RBFOX1: variants seen among roughly 807,000 people sequenced by gnomAD.
RBFOX1 encodes the protein RNA binding protein fox-1 homolog 1.
Under a neutral mutation model 57.7 loss-of-function variants are expected in RBFOX1, and 8 were observed. The ratio of observed to expected loss-of-function variants is 0.14; its 90% CI spans 0.08 to 0.25. The LOEUF is 0.25. Among genes scored for constraint, RBFOX1 ranks in the 10% least tolerant of loss-of-function variants. The pLI, the probability that RBFOX1 is intolerant of heterozygous loss-of-function variation, is 1.00. For missense variants in RBFOX1, 611 were observed against 548.5 expected (o/e 1.11, Z -1.14); for synonymous variants, 326 against 222.4 (o/e 1.47, Z -4.15).
At chr16:5,842,864 A>G (rs7191785) in intron 3 of RBFOX1, among the ~76,000 whole-genome samples, 91,371 of 151,870 alleles carry the variant, frequency 0.6, 28,610 homozygotes, top group African/African-American at 0.76. Context: ...TGTCGCCTGG[A>G]CTAGAGTGCA....
At chr16:7,071,035 C>T (rs919639023) in intron 4 of RBFOX1, among the ~76,000 whole-genome samples, 2 of 152,080 alleles carry the variant, frequency 1.3e-5, no homozygotes, top group African/African-American at 2.4e-5. Context: ...AAATGAACTT[C>T]AAAAAACAGC....
chr16:6,061,169 C>T (rs981316393), intron 1 of RBFOX1, among the ~76,000 whole-genome samples: 1 of 152,128 alleles, frequency 6.6e-6, no homozygotes, highest in Admixed American at 6.6e-5. Flanking sequence ...CTAACCCACC[C>T]GGCAGCAGAT....
intron 1 of RBFOX1, among the ~76,000 whole-genome samples, chr16:5,423,628 A>G (rs1213086874): frequency 6.6e-6 from 1 of 152,136 alleles, no homozygotes; most frequent in African/African-American, 2.4e-5. Context: ...GGGGCGGCCC[A>G]TCCTGCCTGT....
intron 3 of RBFOX1, among the ~76,000 whole-genome samples, chr16:6,821,701 G>C (rs1167644318): frequency 6.6e-6 from 1 of 152,180 alleles, no homozygotes; most frequent in African/African-American, 2.4e-5. Flanking sequence ...TCACATGATA[G>C]CCTGTATCAG....
At chr16:7,050,023 C>G (rs113779876) in intron 3 of RBFOX1, among the ~76,000 whole-genome samples, 2 of 152,246 alleles carry the variant, frequency 1.3e-5, no homozygotes, top group African/African-American at 2.4e-5. Context: ...TTCCATTAAC[C>G]CAGTCCTCTG....
chr16:5,622,366 A>G (rs913403907), intron 3 of RBFOX1, among the ~76,000 whole-genome samples: 8 of 152,230 alleles, frequency 5.3e-5, no homozygotes, highest in Non-Finnish European at 1.2e-4. Flanking sequence ...TTCCACCAGA[A>G]TGTAGGTTCC....
chr16:6,285,807 A>C (rs899921890), intron 1 of RBFOX1, among the ~76,000 whole-genome samples: 4 of 152,122 alleles, frequency 2.6e-5, no homozygotes, highest in African/African-American at 9.7e-5. Context: ...CTCTAGTTGC[A>C]GTGGAGACAT....
At chr16:6,592,446 T>A (rs1261032786) in intron 2 of RBFOX1, among the ~76,000 whole-genome samples, 1 of 152,224 alleles carries the variant, frequency 6.6e-6, no homozygotes, top group Non-Finnish European at 1.5e-5. Flanking sequence ...GGGTGCATTT[T>A]ACATGGCAAG....
At chr16:5,733,797 T>C (rs2052471153) in intron 3 of RBFOX1, among the ~76,000 whole-genome samples, 1 of 151,998 alleles carries the variant, frequency 6.6e-6, no homozygotes. Context: ...CCTTCCTTCC[T>C]TCTCACCTTT....
intron 4 of RBFOX1, among the ~76,000 whole-genome samples, chr16:7,093,531 A>G (rs1285346038): frequency 3.3e-5 from 5 of 152,156 alleles, no homozygotes; most frequent in African/African-American, 1.2e-4. Context: ...ACTTATCCAG[A>G]TACTCTTCAG....
intron 3 of RBFOX1, among the ~76,000 whole-genome samples, chr16:6,844,337 C>G (rs1603631469): frequency 6.6e-6 from 1 of 152,132 alleles, no homozygotes; most frequent in Non-Finnish European, 1.5e-5. Flanking sequence ...GGTATTCTTT[C>G]TGATGCTCTC....
At chr16:5,421,307 A>G (rs1253673520) in intron 1 of RBFOX1, among the ~76,000 whole-genome samples, 1 of 152,150 alleles carries the variant, frequency 6.6e-6, no homozygotes, top group Non-Finnish European at 1.5e-5. Context: ...GTGCCCGGCT[A>G]TCATCCACCT....
At chr16:7,671,374 C>G (rs1033038767) in intron 13 of RBFOX1, among the ~76,000 whole-genome samples, 19 of 152,270 alleles carry the variant, frequency 1.2e-4, no homozygotes, top group African/African-American at 4.6e-4. Context: ...CAGAGATTTG[C>G]AACTAAAAAT....
chr16:5,696,774 G>C (rs2050858239), intron 3 of RBFOX1, among the ~76,000 whole-genome samples: 1 of 151,960 alleles, frequency 6.6e-6, no homozygotes, highest in South Asian at 2.1e-4. Flanking sequence ...CATTTTTGAA[G>C]ACTTTCTTCA....
At chr16:6,983,640 C>G (rs1042781161) in intron 3 of RBFOX1, 3 of 152,114 alleles carry the variant, frequency 2.0e-5, no homozygotes, top group East Asian at 3.9e-4. Flanking sequence ...TTTTCGCAGG[C>G]TTAATTATAA....
chr16:5,541,395 C>A (rs1424778896), intron 2 of RBFOX1, among the ~76,000 whole-genome samples: 1 of 151,976 alleles, frequency 6.6e-6, no homozygotes, highest in East Asian at 1.9e-4. Context: ...GTAGTCGGGG[C>A]ACAGCCTGGA....
Position 7,227,285 on chromosome 16 carries a change from A to ACCCC in RBFOX1, c.27+175188_27+175191dup, listed in dbSNP as rs1284183490. Among the ~76,000 whole-genome samples, 161 of 73,226 alleles carry ACCCC rather than the reference A, an allele frequency of 2.2e-3. 2 individuals are homozygous for ACCCC. The highest frequency in any genetic ancestry group is 6.0e-3 in the South Asian group (9 of 1,488). The allele number at this position is 73,226 out of a possible 152,430, so 48.0% of individuals were successfully genotyped here. A position where few individuals can be genotyped will look rare whatever the true frequency, so the allele number is the denominator to read the frequency against. ...CACTGTCACATACCACACACACCCCACCCCACCCCCACACACACACACAGC... is the reference window on the plus strand; with the variant it reads ...CACTGTCACATACCACACACACCCCACCCCCCCCACCCCCACACACACACACAGC... On this transcript the variant is annotated intron_variant, in intron 4 of 15. Transcript: ENST00000550418.
chr16:5,367,834 C>G (rs1050057964), intron 1 of RBFOX1, among the ~76,000 whole-genome samples: 2 of 152,154 alleles, frequency 1.3e-5, no homozygotes, highest in Non-Finnish European at 2.9e-5. Context: ...CTGGGTCTGT[C>G]TGTCTGTTTG....
chr16:6,289,630 C>G (rs1599237533), intron 1 of RBFOX1, among the ~76,000 whole-genome samples: 1 of 152,156 alleles, frequency 6.6e-6, no homozygotes, highest in African/African-American at 2.4e-5. Context: ...AATCCACAAA[C>G]AAGACTAATT....
Sources: gnomAD v4.1 joint callset for allele counts (sites outside exome capture counted in the v4.1 genomes callset) on GRCh38, gnomAD v4.1.1 for gene constraint, MANE v1.5 for transcripts, NCBI Gene and HGNC (gene_info 2026-07-23, HGNC 2026-07-21) for gene names.